The following ADGRL3 variants were observed in gnomAD, a reference collection of about 807,000 sequenced individuals.
ADGRL3 encodes the protein calcium-independent alpha-latrotoxin receptor 3.
Under a neutral mutation model 153.5 loss-of-function variants are expected in ADGRL3, and 62 were observed. That is an observed-to-expected ratio of 0.40 (90% CI 0.33 to 0.50). The LOEUF (loss-of-function observed/expected upper bound fraction) is 0.50, where lower values mean the gene tolerates loss of function less well. Ranked by LOEUF, ADGRL3 falls within the 20% of genes least tolerant of loss-of-function variation. The pLI is 0.47. For missense variants in ADGRL3, 1,641 were observed against 1,859.4 expected (o/e 0.88, Z 2.16); for synonymous variants, 710 against 672.5 (o/e 1.06, Z -0.86).
intron 1 of ADGRL3, among the ~76,000 whole-genome samples, chr4:61,252,374 AT>A (rs1452943345): frequency 1.3e-5 from 2 of 152,236 alleles, no homozygotes; most frequent in Admixed American, 6.5e-5. Flanking sequence ...TATCATTAAC[AT>A]CATCATTACA....
At chr4:61,436,426 T>C (rs2097446446) in intron 2 of ADGRL3, among the ~76,000 whole-genome samples, 1 of 152,210 alleles carries the variant, frequency 6.6e-6, no homozygotes, top group South Asian at 2.1e-4. Flanking sequence ...CAGCTGGTAA[T>C]TATTATTCTA....
In ADGRL3 at chr4:61,912,741, G is replaced by T; in HGVS notation, c.2096G>T (p.Cys699Phe). 6.2e-7 allele frequency: 1 copy of T among 1,613,256 alleles called. No individual in the cohort carries two copies. The highest frequency in any genetic ancestry group is 8.5e-7 in the Non-Finnish European group (1 of 1,179,476). Residue 699 changes from cysteine (C) to phenylalanine (F), a missense_variant, in exon 13 of 27, where the codon TGC (cysteine) becomes TTC (phenylalanine). Cys to Phe is a radical substitution (Grantham distance 205). Around this residue, in one of 5 missense-constraint regions of ADGRL3, gnomAD observed 734 missense variants for 797.0 expected, o/e 0.92. Coordinates refer to ENST00000683033, the MANE Select transcript of ADGRL3 (RefSeq NM_001387552.1). ...LNKLQKRERSCRAYVQAMVET... is the reference protein window; with the variant it reads ...LNKLQKRERSFRAYVQAMVET... ...CAGCTTCAGAAAAGAGAGCGCTCTT[G>T]CAGAGCCTATGTCCAGGTACTTTCT...
intron 4 of ADGRL3, among the ~76,000 whole-genome samples, chr4:61,558,323 TTTCTTCCTTGGACTTTTCTAGTC>T (rs1288797333): frequency 6.6e-6 from 1 of 151,418 alleles, no homozygotes; most frequent in Non-Finnish European, 1.5e-5. Context: ...CCTGGGATCC[TTTCTTCCTTGGACTTTTCTAGTC>T]TGCATTGGAT....
At chr4:61,805,724 T>C (rs889139323) in intron 8 of ADGRL3, among the ~76,000 whole-genome samples, 3 of 152,180 alleles carry the variant, frequency 2.0e-5, no homozygotes, top group Admixed American at 6.5e-5. Context: ...ACCTAATAAT[T>C]GTATTATTTT....
chr4:61,295,180 C>T (rs1012327423), intron 1 of ADGRL3, among the ~76,000 whole-genome samples: 28 of 152,008 alleles, frequency 1.8e-4, no homozygotes, highest in Non-Finnish European at 1.8e-4. Flanking sequence ...ACTTAGTGGC[C>T]GTCTCCATTA....
chr4:61,517,575 G>A, intron 4 of ADGRL3, 57 bp downstream of exon 4: 4 of 691,220 alleles, frequency 5.8e-6, no homozygotes, highest in Admixed American at 2.0e-5. Context: ...GCTCCTGAGA[G>A]GCTCAGCCCC....
intron 4 of ADGRL3, among the ~76,000 whole-genome samples, chr4:61,547,404 A>C (rs2098718887): frequency 6.6e-6 from 1 of 151,914 alleles, no homozygotes; most frequent in Non-Finnish European, 1.5e-5. Flanking sequence ...GTAGTTTTTC[A>C]ATCCTCACCC....
intron 4 of ADGRL3, among the ~76,000 whole-genome samples, chr4:61,557,724 C>T (rs1279103848): frequency 6.6e-6 from 1 of 151,996 alleles, no homozygotes; most frequent in Non-Finnish European, 1.5e-5. Flanking sequence ...ACAGGGTGTG[C>T]ACTCTTTAGT....
At chr4:61,965,204 G>T (rs894846098) in intron 17 of ADGRL3, among the ~76,000 whole-genome samples, 1 of 151,786 alleles carries the variant, frequency 6.6e-6, no homozygotes, top group African/African-American at 2.4e-5. Context: ...TTGCCATGTT[G>T]CCCAGGCTGG....
At chr4:61,992,987 A>G (rs1177160687) in intron 19 of ADGRL3, among the ~76,000 whole-genome samples, 1 of 152,190 alleles carries the variant, frequency 6.6e-6, no homozygotes, top group Non-Finnish European at 1.5e-5. Context: ...ATAATCTTCT[A>G]TAGAAGATTG....
chr4:61,305,721 G>T (rs2150413053), intron 1 of ADGRL3, among the ~76,000 whole-genome samples: 1 of 152,170 alleles, frequency 6.6e-6, no homozygotes, highest in East Asian at 1.9e-4. Flanking sequence ...AGCAGTTAAG[G>T]CTTTATTTGG....
At chr4:62,010,568 C>T (rs1423488122) in intron 21 of ADGRL3, among the ~76,000 whole-genome samples, 2 of 152,076 alleles carry the variant, frequency 1.3e-5, no homozygotes, top group African/African-American at 4.8e-5. Context: ...ATAAGAATGT[C>T]ATTTCCCTGA....
At chr4:61,214,068 C>T (rs1741467177) in intron 1 of ADGRL3, among the ~76,000 whole-genome samples, 1 of 152,060 alleles carries the variant, frequency 6.6e-6, no homozygotes, top group Admixed American at 6.6e-5. Context: ...TATAGTTCTA[C>T]TATGTATATA....
chr4:61,666,196 C>A (rs1036640950), intron 5 of ADGRL3, among the ~76,000 whole-genome samples: 1 of 152,084 alleles, frequency 6.6e-6, no homozygotes, highest in African/African-American at 2.4e-5. Flanking sequence ...AACTTTATTA[C>A]AAGCAAATAT....
In ADGRL3 at chr4:61,676,912, T is replaced by C; in HGVS notation, c.560T>C (p.Val187Ala). Residue 187 changes from valine to alanine, a missense_variant, in exon 6 of 27, where the codon GTG becomes GCG. This residue lies in a region of ADGRL3 where 213 missense variants were observed against 362.1 expected (regional missense o/e 0.59). Coordinates refer to ENST00000683033, the MANE Select transcript of ADGRL3 (RefSeq NM_001387552.1). ...PCPGTYKYLE[V>A]QYECVPYKVE... ...CCAGGAACCTATAAATACCTTGAAG[T>C]GCAGTATGAATGTGTCCCTTACAGT... 1 of 1,610,744 alleles carries C rather than the reference T, an allele frequency of 6.2e-7. No homozygotes were observed. Among genetic ancestry groups the C allele is most frequent in the Non-Finnish European group, 8.5e-7 (1 of 1,177,344 alleles).
At chr4:61,979,505 A>C (rs2099060030) in intron 17 of ADGRL3, 58 bp from the exon 18 acceptor site, 1 of 1,432,912 alleles carries the variant, frequency 7.0e-7, no homozygotes, top group Admixed American at 1.7e-5. Context: ...GGCCCTTATA[A>C]AACTTTGTAA....
At chr4:61,384,091 C>A (rs1319530562) in intron 2 of ADGRL3, among the ~76,000 whole-genome samples, 1 of 151,686 alleles carries the variant, frequency 6.6e-6, no homozygotes, top group Non-Finnish European at 1.5e-5. Flanking sequence ...TCAAATATTC[C>A]GTACTTTTTT....
At chr4:61,907,714 G>C (rs910718527) in intron 11 of ADGRL3, among the ~76,000 whole-genome samples, 1 of 151,966 alleles carries the variant, frequency 6.6e-6, no homozygotes, top group Non-Finnish European at 1.5e-5. Flanking sequence ...TTGTGATAAA[G>C]CATTAATTTT....
chr4:62,024,106 G>T (rs1483612844), intron 21 of ADGRL3, among the ~76,000 whole-genome samples: 1 of 152,012 alleles, frequency 6.6e-6, no homozygotes, highest in Non-Finnish European at 1.5e-5. Context: ...ACATTGACTT[G>T]TAGAGGAAAC....
Sources: gnomAD v4.1 joint callset for allele counts (sites outside exome capture counted in the v4.1 genomes callset) on GRCh38, gnomAD v4.1.1 for gene constraint, gnomAD v4.1.1 regional missense constraint, MANE v1.5 for transcripts, NCBI Gene and HGNC (gene_info 2026-07-23, HGNC 2026-07-21) for gene names.